The following DLGAP2 variants were observed in gnomAD, a reference collection of about 807,000 sequenced individuals.
DLGAP2 encodes disks large-associated protein 2.
Under a neutral mutation model 100.3 loss-of-function variants are expected in DLGAP2, and 26 were observed. The ratio of observed to expected loss-of-function variants is 0.26; its 90% CI spans 0.19 to 0.36. The LOEUF is 0.36. Ranked by LOEUF, DLGAP2 falls within the 10% of genes least tolerant of loss-of-function variation. The probability of loss-of-function intolerance (pLI) is 1.00; values close to 1 mark genes in which losing one functional copy is unlikely to be tolerated. For synonymous variants in DLGAP2, 886 were observed against 630.1 expected (o/e 1.41, Z -6.08); for missense variants, 1,858 against 1,453.2 (o/e 1.28, Z -4.53).
At chr8:1,443,684 G>A (rs1334589821) in intron 3 of DLGAP2, among the ~76,000 whole-genome samples, 1 of 152,156 alleles carries the variant, frequency 6.6e-6, no homozygotes, top group Non-Finnish European at 1.5e-5. Context: ...GGCTTGTGCA[G>A]GGGAACTGCC....
At chr8:836,250 T>C (rs1280656336) in intron 1 of DLGAP2, among the ~76,000 whole-genome samples, 1 of 152,078 alleles carries the variant, frequency 6.6e-6, no homozygotes, top group African/African-American at 2.4e-5. Context: ...CCCGCAAGGC[T>C]CGGGCGGGAG....
intron 2 of DLGAP2, among the ~76,000 whole-genome samples, chr8:1,101,558 G>A (rs1804579284): frequency 6.6e-6 from 1 of 152,132 alleles, no homozygotes; most frequent in African/African-American, 2.4e-5. Flanking sequence ...GGCGGCAGAC[G>A]CTCAGTCTGG....
intron 2 of DLGAP2, among the ~76,000 whole-genome samples, chr8:988,983 C>T (rs553387194): frequency 2.0e-5 from 3 of 152,202 alleles, no homozygotes; most frequent in South Asian, 2.1e-4. Context: ...TCCTCTCCGT[C>T]GCTGCCTGCA....
chr8:995,369 T>A (rs560682838), intron 2 of DLGAP2, among the ~76,000 whole-genome samples: 44 of 152,344 alleles, frequency 2.9e-4, no homozygotes, highest in African/African-American at 1.0e-3. Context: ...AATGAAATAT[T>A]ATAGTAACTT....
chr8:965,385 C>G (rs373557310), intron 2 of DLGAP2, among the ~76,000 whole-genome samples: 8 of 65,526 alleles, frequency 1.2e-4, no homozygotes, highest in East Asian at 8.0e-4. Context: ...GTACACGGCA[C>G]TGTTCATCAC....
chr8:864,049 C>T (rs570463129), intron 1 of DLGAP2, among the ~76,000 whole-genome samples: 394 of 152,268 alleles, frequency 2.6e-3, no homozygotes, highest in African/African-American at 8.6e-3. Flanking sequence ...TTTGCGGCAA[C>T]GTGGATAAAC....
chr8:1,177,839 C>T (rs1326838196), intron 2 of DLGAP2, among the ~76,000 whole-genome samples: 1 of 152,280 alleles, frequency 6.6e-6, no homozygotes, highest in Middle Eastern at 3.4e-3. Flanking sequence ...CTCATCATCT[C>T]CCAAGGGCCC....
intron 2 of DLGAP2, among the ~76,000 whole-genome samples, chr8:1,220,148 A>G (rs929542899): frequency 2.0e-5 from 3 of 151,800 alleles, no homozygotes; most frequent in African/African-American, 7.3e-5. Flanking sequence ...GTTTTCTTCT[A>G]CCTTTGGGTT....
rs576064565 is a variant in DLGAP2 at position 1,111,290 on chromosome 8, G to C, written c.74-147561G>C. Among the ~76,000 whole-genome samples, 22 of 152,306 alleles carry C rather than the reference G, an allele frequency of 1.4e-4. No homozygotes were observed. In the South Asian group the frequency reaches 4.6e-3, roughly 32 times the overall value. On this transcript the variant is annotated intron_variant, in intron 2 of 14. Transcript: ENST00000637795. ...AATCGTCTTCCCTCAGCTCCCGGAA[G>C]ACCCAGCACTGTGTGTGCTGAAGGC... is the stretch of plus-strand genomic sequence containing the variant.
At chr8:1,669,305 C>G (rs1423448590) in intron 9 of DLGAP2, among the ~76,000 whole-genome samples, 3 of 152,202 alleles carry the variant, frequency 2.0e-5, no homozygotes, top group African/African-American at 7.2e-5. Flanking sequence ...ACGTGGCAGA[C>G]GGTTCCTTTC....
At chr8:1,262,427 G>C (rs1414314426) in intron 3 of DLGAP2, 1 of 152,138 alleles carries the variant, frequency 6.6e-6, no homozygotes, top group Non-Finnish European at 1.5e-5. Context: ...GATACAGACA[G>C]CCCAACTAAA....
intron 2 of DLGAP2, among the ~76,000 whole-genome samples, chr8:1,180,637 A>G (rs4610780): frequency 0.58 from 87,021 of 151,084 alleles, 25,251 homozygotes; most frequent in Admixed American, 0.66. Flanking sequence ...CAAGCGTGTC[A>G]GTGTGCAAGG....
intron 3 of DLGAP2, among the ~76,000 whole-genome samples, chr8:1,374,813 A>G (rs1486266593): frequency 1.3e-5 from 2 of 152,204 alleles, no homozygotes; most frequent in Non-Finnish European, 2.9e-5. Flanking sequence ...AATCGGTCCA[A>G]GCAGAGGCCA....
chr8:939,023 C>T (rs555578797), intron 2 of DLGAP2, among the ~76,000 whole-genome samples: 78 of 152,356 alleles, frequency 5.1e-4, no homozygotes, highest in Non-Finnish European at 3.5e-4. Context: ...CAGCCACCGG[C>T]AGGGCTGCAG....
chr8:1,590,900 A>T (rs1391807889), intron 6 of DLGAP2, among the ~76,000 whole-genome samples: 2 of 152,168 alleles, frequency 1.3e-5, no homozygotes, highest in Admixed American at 1.3e-4. Context: ...GTGGATCTCT[A>T]TCCCTTAACC....
chr8:1,239,457 C>A (rs1798733810), intron 2 of DLGAP2, among the ~76,000 whole-genome samples: 1 of 38,218 alleles, frequency 2.6e-5, no homozygotes, highest in Non-Finnish European at 4.5e-5. Flanking sequence ...ATGTCTAGAT[C>A]TCTCTCACAC....
chr8:1,179,425 G>A (rs1797333259), intron 2 of DLGAP2, among the ~76,000 whole-genome samples: 1 of 152,210 alleles, frequency 6.6e-6, no homozygotes, highest in South Asian at 2.1e-4. Flanking sequence ...CAGCTTTCTG[G>A]GAAGGCTCAG....
At chr8:1,354,531 A>C (rs1286032311) in intron 3 of DLGAP2, among the ~76,000 whole-genome samples, 1 of 152,244 alleles carries the variant, frequency 6.6e-6, no homozygotes, top group Non-Finnish European at 1.5e-5. Context: ...AGAAAGAACG[A>C]AAAGAAAATA....
At chr8:1,349,146 TC>T (rs1259340536) in intron 3 of DLGAP2, among the ~76,000 whole-genome samples, 1 of 151,184 alleles carries the variant, frequency 6.6e-6, no homozygotes, top group Non-Finnish European at 1.5e-5. Flanking sequence ...CTCTTTCCCT[TC>T]CCGTTCACCT....
Sources: allele counts gnomAD v4.1 joint callset (sites outside exome capture counted in the v4.1 genomes callset), GRCh38; gene constraint gnomAD v4.1.1; transcripts MANE v1.5; gene names NCBI Gene and HGNC (gene_info 2026-07-23, HGNC 2026-07-21).